ACSS1: variants seen among roughly 807,000 people sequenced by gnomAD.
ACSS1 encodes the protein acetyl-coenzyme A synthetase 2-like, mitochondrial.
In ACSS1, 42 loss-of-function variants were observed where a neutral mutation model predicts 75.3. The ratio of observed to expected loss-of-function variants is 0.56; its 90% CI spans 0.44 to 0.72. The LOEUF is 0.72. Ranked by LOEUF, ACSS1 falls within the 30% of genes least tolerant of loss-of-function variation. The probability of loss-of-function intolerance (pLI) is 0.00; values close to 1 mark genes in which losing one functional copy is unlikely to be tolerated. For missense variants in ACSS1, 782 were observed against 935.7 expected (o/e 0.84, Z 2.14); for synonymous variants, 380 against 376.8 (o/e 1.01, Z -0.10).
intron 1 of ACSS1, among the ~76,000 whole-genome samples, chr20:25,048,735 A>G (rs1484978063): frequency 6.6e-6 from 1 of 152,228 alleles, no homozygotes; most frequent in African/African-American, 2.4e-5. Context: ...TGTTCCAAGA[A>G]GTGGCTCGTG....
At chr20:25,016,227 C>T (rs1422398862) in intron 7 of ACSS1, among the ~76,000 whole-genome samples, 2 of 152,130 alleles carry the variant, frequency 1.3e-5, no homozygotes, top group Admixed American at 6.5e-5. Context: ...CGGATCTGTC[C>T]GTGGTGATGC....
intron 2 of ACSS1, among the ~76,000 whole-genome samples, chr20:25,044,577 C>T (rs1386408666): frequency 6.6e-6 from 1 of 152,188 alleles, no homozygotes; most frequent in Non-Finnish European, 1.5e-5. Flanking sequence ...AGTACCACTA[C>T]ACTCCAGCCT....
At chr20:25,013,030 CG>C in intron 10 of ACSS1, 91 bp from the exon 11 acceptor site, 1 of 1,582,086 alleles carries the variant, frequency 6.3e-7, no homozygotes, top group Non-Finnish European at 8.6e-7. Context: ...CAGCCCAGCA[CG>C]CGGCTGAAGT....
chr20:25,026,696 C>T (rs960594676), intron 3 of ACSS1, among the ~76,000 whole-genome samples: 1 of 152,212 alleles, frequency 6.6e-6, no homozygotes, highest in Non-Finnish European at 1.5e-5. Context: ...GTTTGTGACA[C>T]AGCAATAGAA....
At chr20:25,032,741 G>A (rs2088848631) in intron 2 of ACSS1, 2 of 1,084,708 alleles carry the variant, frequency 1.8e-6, no homozygotes, top group Non-Finnish European at 1.1e-6. Flanking sequence ...GGCCACCCGG[G>A]AAACCACAGC....
intron 12 of ACSS1, 99 bp from the exon 13 acceptor site, chr20:25,009,487 C>T: frequency 1.1e-6 from 1 of 907,234 alleles, no homozygotes; most frequent in Non-Finnish European, 1.8e-6. Context: ...ATCCGAAGGG[C>T]TTTTGAATCC....
intron 1 of ACSS1, among the ~76,000 whole-genome samples, chr20:25,050,468 G>A (rs1461177975): frequency 1.3e-5 from 2 of 151,910 alleles, no homozygotes; most frequent in African/African-American, 4.8e-5. Flanking sequence ...CTCATAAGAA[G>A]CCCCAGGAGA....
rs1407955224 is a variant in ACSS1 at position 25,058,089 on chromosome 20, G to T, written c.14C>A (p.Thr5Asn). ...CAGCCTCCCGACGCCGCGGCCCAGG[G>T]TGCGCGCCGCCATCTAGGCAGGCTA... is the stretch of plus-strand genomic sequence containing the variant. Reference protein sequence around the residue: MAARTLGRGVGRLLG... With the variant: MAARNLGRGVGRLLG... Residue 5 changes from threonine to asparagine, a missense_variant, in exon 1 of 14, where the codon ACC (threonine) becomes AAC (asparagine). Physicochemically the swap from Thr to Asn is moderately conservative, Grantham distance 65. Around this residue, in one of 2 missense-constraint regions of ACSS1, gnomAD observed 377 missense variants for 383.1 expected, o/e 0.98. Coordinates refer to ENST00000323482, the MANE Select transcript of ACSS1 (RefSeq NM_032501.4). The T allele has an allele frequency of 8.0e-7, 1 of 1,253,682 alleles. No homozygotes were observed. Among genetic ancestry groups the T allele is most frequent in the Middle Eastern group, 3.1e-4 (1 of 3,222 alleles). 77.7% of individuals were successfully genotyped at this position (1,253,682 alleles called of 1,614,324 possible).
intron 3 of ACSS1, among the ~76,000 whole-genome samples, chr20:25,025,256 G>C (rs1187155899): frequency 6.6e-6 from 1 of 152,216 alleles, no homozygotes; most frequent in East Asian, 1.9e-4. Flanking sequence ...CACCTGTCCA[G>C]GGCCTCCCTG....
intron 2 of ACSS1, among the ~76,000 whole-genome samples, chr20:25,042,536 C>G (rs574307001): frequency 6.6e-6 from 1 of 152,312 alleles, no homozygotes; most frequent in African/African-American, 2.4e-5. Context: ...GCTGTTCCCC[C>G]ACAGCCTCCC....
In ACSS1 at chr20:25,007,190, A is replaced by C; in HGVS notation, c.*572T>G. On this transcript the variant is annotated 3_prime_UTR_variant, in exon 14 of 14. Coordinates refer to ENST00000323482, the MANE Select transcript of ACSS1 (RefSeq NM_032501.4). ...CAGACTTCCAAATACACTAACAATA[A>C]TTAAAAATGTGGCCTCTGATCCTCA... is the stretch of plus-strand genomic sequence containing the variant. 1.6e-6 allele frequency: 2 copies of C among 1,241,118 alleles called. No individual in the cohort carries two copies. Among genetic ancestry groups the C allele is most frequent in the Non-Finnish European group, 1.0e-6 (1 of 988,126 alleles). The allele number at this position is 1,241,118 out of a possible 1,614,324, so 76.9% of individuals were successfully genotyped here.
chr20:25,048,073 A>G lies in ACSS1; in HGVS notation c.431+12T>C. ...GCCTCCCTCGCACCTTGAACATTCGAGGGCACAGTACCTGTAGGTGATCCT... is the reference window on the plus strand; with the variant it reads ...GCCTCCCTCGCACCTTGAACATTCGGGGGCACAGTACCTGTAGGTGATCCT... On this transcript the variant is annotated intron_variant, in intron 2 of 13. Transcript: ENST00000323482. 6.2e-7 allele frequency: 1 copy of G among 1,612,798 alleles called. No individual in the cohort carries two copies. Among genetic ancestry groups the G allele is most frequent in the Non-Finnish European group, 8.5e-7 (1 of 1,179,434 alleles).
intron 2 of ACSS1, 111 bp from the exon 3 acceptor site, chr20:25,031,069 G>T: frequency 8.9e-7 from 1 of 1,122,578 alleles, no homozygotes; most frequent in Non-Finnish European, 1.3e-6. Flanking sequence ...CCAGCCCAGT[G>T]CCAGGAAAAC....
At chr20:25,041,736 C>G (rs1281146192) in intron 2 of ACSS1, among the ~76,000 whole-genome samples, 4 of 151,918 alleles carry the variant, frequency 2.6e-5, no homozygotes, top group Non-Finnish European at 5.9e-5. Context: ...GAAGACTGTT[C>G]TTGTTGAAAA....
chr20:25,013,645 G>A lies in ACSS1; in HGVS notation c.1470C>T (p.Gly490=), dbSNP rs1338773319. 1.9e-6 allele frequency: 3 copies of A among 1,605,048 alleles called. No individual in the cohort carries two copies. The highest frequency in any genetic ancestry group is 1.7e-4 in the Middle Eastern group (1 of 5,982). The change falls in exon 10 of 14, where the codon GGC becomes GGT. Residue 490 remains glycine (G), a synonymous_variant. Coordinates refer to ENST00000323482, the MANE Select transcript of ACSS1 (RefSeq NM_032501.4). ...TGCACAGGGCCCCGGAGACGTTGCT[G>A]CCCTCCACGACGCTGCCCTGTAGAC... ...LMDEKGSVVE[G]SNVSGALCIS...
intron 2 of ACSS1, 34 bp downstream of exon 2, chr20:25,048,051 T>A (rs1404894264): frequency 1.3e-6 from 2 of 1,599,528 alleles, no homozygotes; most frequent in Non-Finnish European, 8.6e-7. Flanking sequence ...GCTGGGCGCC[T>A]CCCTCGCACC....
intron 1 of ACSS1, among the ~76,000 whole-genome samples, chr20:25,049,059 C>CA (rs1392382709): frequency 7.9e-5 from 12 of 152,196 alleles, no homozygotes; most frequent in African/African-American, 2.2e-4. Context: ...AGGGTCACCC[C>CA]TGTAGCCTGT....
Position 25,007,250 on chromosome 20 carries a change from T to G in ACSS1, c.*512A>C. On this transcript the variant is annotated 3_prime_UTR_variant, in exon 14 of 14. Coordinates refer to ENST00000323482, the MANE Select transcript of ACSS1 (RefSeq NM_032501.4). Reference sequence around the variant, plus strand: ...ACCAGTAGAGGCAAAAAAGGAGATTTTCATAACTACATGTTAAAAAGAACA... The same window carrying G: ...ACCAGTAGAGGCAAAAAAGGAGATTGTCATAACTACATGTTAAAAAGAACA... The G allele has an allele frequency of 8.7e-7, 1 of 1,147,162 alleles. No homozygotes were observed. The highest frequency in any genetic ancestry group is 1.1e-6 in the Non-Finnish European group (1 of 931,248). The allele number at this position is 1,147,162 out of a possible 1,614,324, so 71.1% of individuals were successfully genotyped here.
intron 2 of ACSS1, among the ~76,000 whole-genome samples, chr20:25,033,896 A>G (rs1366897876): frequency 6.6e-6 from 1 of 152,218 alleles, no homozygotes; most frequent in Non-Finnish European, 1.5e-5. Context: ...GAAGCTGGAC[A>G]GCTAAACGAC....
Sources: allele counts gnomAD v4.1 joint callset (sites outside exome capture counted in the v4.1 genomes callset), GRCh38; gene constraint gnomAD v4.1.1; regional missense constraint gnomAD v4.1.1; transcripts MANE v1.5; gene names NCBI Gene and HGNC (gene_info 2026-07-23, HGNC 2026-07-21).